Variants in FANCD2 observed in about 807,000 individuals in gnomAD.
The protein encoded by FANCD2 is Fanconi anemia group D2 protein.
FANCD2 carries 131 observed loss-of-function variants against 192.3 expected under a neutral mutation model. The ratio of observed to expected loss-of-function variants is 0.68; its 90% CI spans 0.59 to 0.79. The LOEUF is 0.79. Ranked by LOEUF, FANCD2 falls within the 30% of genes least tolerant of loss-of-function variation. The probability of loss-of-function intolerance (pLI) is 0.00; values close to 1 mark genes in which losing one functional copy is unlikely to be tolerated. For missense variants in FANCD2, 1,508 were observed against 1,701.6 expected (o/e 0.89, Z 2.00); for synonymous variants, 524 against 612.5 (o/e 0.86, Z 2.13).
intron 30 of FANCD2, among the ~76,000 whole-genome samples, chr3:10,078,831 G>A (rs1693673362): frequency 1.3e-5 from 2 of 152,070 alleles, no homozygotes; most frequent in Admixed American, 1.3e-4. Context: ...GCCGGGCATG[G>A]TGGTGCAGCT....
At position 10,044,132 on chromosome 3, in the gene FANCD2, G is replaced by T. The variant is rs2287439; in HGVS notation, c.1134+268G>T. On this transcript the variant is annotated intron_variant, in intron 14 of 43. Coordinates refer to ENST00000675286, the MANE Select transcript of FANCD2 (RefSeq NM_001018115.3). Reference sequence around the variant, plus strand: ...ACAGTGTAAACAAGCACATCAAGGTGCAGTCAAAGAAGCCAGGTCCCCACT... The same window carrying T: ...ACAGTGTAAACAAGCACATCAAGGTTCAGTCAAAGAAGCCAGGTCCCCACT... Among the ~76,000 whole-genome samples the T allele has an allele frequency of 0.039, 5,931 of 152,212 alleles. 96 individuals carry two copies. Among genetic ancestry groups the T allele is most frequent in the South Asian group, 0.11 (537 of 4,814 alleles).
chr3:10,100,321 C>T (rs770047071), intron 43 of FANCD2, among the ~76,000 whole-genome samples: 11 of 152,340 alleles, frequency 7.2e-5, no homozygotes, highest in Admixed American at 2.6e-4. Context: ...ATACTAGTAT[C>T]GTAAGCCAGA....
At chr3:10,060,521 GT>G in intron 19 of FANCD2, 118 bp downstream of exon 19, 1 of 784,402 alleles carries the variant, frequency 1.3e-6, no homozygotes, top group East Asian at 2.7e-5. Flanking sequence ...GAGCAAATGT[GT>G]TTTGCTACTT....
chr3:10,054,151 A>G (rs2087303041), intron 18 of FANCD2, among the ~76,000 whole-genome samples: 1 of 151,720 alleles, frequency 6.6e-6, no homozygotes, highest in Non-Finnish European at 1.5e-5. Context: ...AGTTGAGGCT[A>G]CAGTAAGCCA....
intron 18 of FANCD2, chr3:10,058,004 A>G (rs760164822): frequency 6.8e-5 from 30 of 441,606 alleles, no homozygotes; most frequent in Non-Finnish European, 1.2e-4. Flanking sequence ...GAGTTAAGCT[A>G]TCAAGTTTGC....
rs374096504 is a variant in FANCD2, at chr3:10,101,373, TCC to T, written c.*112_*113del. 3.0e-6 allele frequency: 2 copies of T among 665,252 alleles called. No individual in the cohort carries two copies. Among genetic ancestry groups the T allele is most frequent in the East Asian group, 2.9e-5 (1 of 34,684 alleles). The allele number at this position is 665,252 out of a possible 1,614,324, so 41.2% of individuals were successfully genotyped here. The stretch of plus-strand genomic sequence containing the variant: ...TCTTACTGGTAGGATCCTTTTTTGT[TCC>T]TCTTTTTTTTTTTTTTTTTTTTTTT... On this transcript the variant is annotated 3_prime_UTR_variant, in exon 44 of 44. Transcript: ENST00000675286.
chr3:10,096,745 C>T (rs372595278), intron 42 of FANCD2, among the ~76,000 whole-genome samples: 1 of 152,322 alleles, frequency 6.6e-6, no homozygotes, highest in Non-Finnish European at 1.5e-5. Flanking sequence ...ACAAACCTCT[C>T]TCCACAGCTA....
chr3:10,085,918 C>G lies in FANCD2; in HGVS notation c.3331C>G (p.Leu1111Val). 3.1e-6 allele frequency: 5 copies of G among 1,603,856 alleles called. No individual in the cohort carries two copies. Among genetic ancestry groups the G allele is most frequent in the Non-Finnish European group, 4.3e-6 (5 of 1,170,784 alleles). The change falls in exon 33 of 44, where the codon CTC becomes GTC. Residue 1111 changes from leucine (L) to valine (V), a missense_variant. Leu to Val is a conservative substitution (Grantham distance 32). Coordinates refer to ENST00000675286, the MANE Select transcript of FANCD2 (RefSeq NM_001018115.3). ...ACACAGCCAGCCTTTGGAGGAACTA[C>G]TCAGGTGAGTCATAACTACATAGCC... Reference protein sequence around the residue: ...GEHSQPLEELLSQSVHYLQNF... With the variant: ...GEHSQPLEELVSQSVHYLQNF...
chr3:10,036,082 A>ATTTTTTTTTTTTTTTTTTTTTTT (rs781686867), intron 6 of FANCD2, among the ~76,000 whole-genome samples: 9 of 103,864 alleles, frequency 8.7e-5, no homozygotes, highest in Non-Finnish European at 9.9e-5. Flanking sequence ...AGAATTATAC[A>ATTTTTTTTTTTTTTTTTTTTTTT]TTTCTTTTTT....
chr3:10,043,220 A>G, intron 12 of FANCD2, 70 bp downstream of exon 12: 2 of 1,098,694 alleles, frequency 1.8e-6, no homozygotes, highest in Non-Finnish European at 2.8e-6. Flanking sequence ...AGAGCTTAAT[A>G]CTACTACAAA....
chr3:10,040,295 C>A, intron 9 of FANCD2: 1 of 342,080 alleles, frequency 2.9e-6, no homozygotes, highest in South Asian at 2.3e-5. Context: ...CTCGGCCTCC[C>A]AGAGTGCTGG....
rs35870339 is a variant in FANCD2, at chr3:10,088,167, T to C, written c.3467-282T>C. On this transcript the variant is annotated intron_variant, in intron 34 of 43. Transcript: ENST00000675286. ...TCCCACTGCCCAGCAGCATTCCTTT[T>C]CTCTGTGTGTCTGTATTTATGTTCA... Among the ~76,000 whole-genome samples the C allele has an allele frequency of 3.2e-3, 491 of 152,248 alleles. 10 individuals carry two copies. In the South Asian group the frequency reaches 0.039, roughly 12 times the overall value.
Position 10,041,630 on chromosome 3 carries a change from C to T in FANCD2, c.703C>T (p.Leu235=), listed in dbSNP as rs1168430783. 1.9e-6 allele frequency: 3 copies of T among 1,611,962 alleles called. No homozygotes were observed. Among genetic ancestry groups the T allele is most frequent in the Non-Finnish European group, 2.5e-6 (3 of 1,178,256 alleles). The change falls in exon 10 of 44, where the codon CTG becomes TTG. Residue 235 remains leucine (L), a synonymous_variant. Transcript: ENST00000675286. ...ADVGKELSDL[L]IENTSLTVPI... Reference sequence around the variant, plus strand: ...TTTTTCTACCATTCACAGTGACCTACTGATAGAGAATACTTCACTCACTGT... The same window carrying T: ...TTTTTCTACCATTCACAGTGACCTATTGATAGAGAATACTTCACTCACTGT...
chr3:10,067,059 C>G, intron 25 of FANCD2, 150 bp from the exon 26 acceptor site: 7 of 630,366 alleles, frequency 1.1e-5, no homozygotes. Flanking sequence ...GATTTTTTTT[C>G]TGTATACCAC....
At chr3:10,066,481 C>T (rs1445091261) in intron 25 of FANCD2, among the ~76,000 whole-genome samples, 1 of 152,192 alleles carries the variant, frequency 6.6e-6, no homozygotes, top group African/African-American at 2.4e-5. Context: ...CTATTGTCCT[C>T]ATTTTACACA....
At chr3:10,078,346 T>C in intron 30 of FANCD2, 149 bp downstream of exon 30, 1 of 655,648 alleles carries the variant, frequency 1.5e-6, no homozygotes, top group Admixed American at 2.3e-5. Flanking sequence ...ATATTCATCT[T>C]GCTTTATTTA....
rs2087244213 is a variant in FANCD2, at chr3:10,052,401, T to A, written c.1560T>A (p.Tyr520Ter). Residue 520 changes from tyrosine (Y) to a stop codon, truncating the protein, a stop_gained, in exon 18 of 44, where the codon TAT becomes TAA. Transcript: ENST00000675286. LOFTEE classifies it high-confidence loss of function. ...TTTTTCCACAGGGCATTTTAGATTA[T>A]CTGGATAACATATCCCCTCAGCAAA... Reference protein sequence around the residue: ...NAVFVKGILDYLDNISPQQIR... With the variant: ...NAVFVKGILD 6.2e-7 allele frequency: 1 copy of A among 1,609,834 alleles called. No homozygotes were observed. Among genetic ancestry groups the A allele is most frequent in the Non-Finnish European group, 8.5e-7 (1 of 1,176,094 alleles).
chr3:10,039,750 C>T lies in FANCD2; in HGVS notation c.600C>T (p.Ile200=), dbSNP rs772281705. 1 of 1,614,028 alleles carries T rather than the reference C, an allele frequency of 6.2e-7. No individual in the cohort carries two copies. Among genetic ancestry groups the T allele is most frequent in the South Asian group, 1.1e-5 (1 of 91,072 alleles). Residue 200 remains isoleucine, a synonymous_variant, in exon 9 of 44, where the codon ATC becomes ATT. Transcript: ENST00000675286. ...KDLTTKIMQL[I]SIAPENLQHD... is the part of the protein sequence containing the mutation. ...TCACCACCAAGATCATGCAGCTGAT[C>T]AGTATTGCTCCAGAGAACCTGCAGC...
intron 17 of FANCD2, among the ~76,000 whole-genome samples, chr3:10,050,613 ACT>A (rs1250519583): frequency 7.7e-6 from 1 of 129,984 alleles, no homozygotes; most frequent in African/African-American, 3.2e-5. Context: ...ACAGAGCAAG[ACT>A]CTGTCTCAAA....
Sources: allele counts gnomAD v4.1 joint callset (sites outside exome capture counted in the v4.1 genomes callset), GRCh38; gene constraint gnomAD v4.1.1; transcripts MANE v1.5; gene names NCBI Gene and HGNC (gene_info 2026-07-23, HGNC 2026-07-21).